Variants in INSR observed in about 807,000 individuals in gnomAD.
The protein encoded by INSR is insulin receptor.
INSR carries 67 observed loss-of-function variants against 142.6 expected under a neutral mutation model. That is an observed-to-expected ratio of 0.47 (90% CI 0.39 to 0.58). The LOEUF (loss-of-function observed/expected upper bound fraction) is 0.58, where lower values mean the gene tolerates loss of function less well. Ranked by LOEUF, INSR falls within the 20% of genes least tolerant of loss-of-function variation. The probability of loss-of-function intolerance (pLI) is 0.00; values close to 1 mark genes in which losing one functional copy is unlikely to be tolerated. For synonymous variants in INSR, 756 were observed against 743.1 expected (o/e 1.02, Z -0.28); for missense variants, 1,248 against 1,833.2 (o/e 0.68, Z 5.83).
At chr19:7,145,196 C>T (rs1973160545) in intron 11 of INSR, among the ~76,000 whole-genome samples, 2 of 151,390 alleles carry the variant, frequency 1.3e-5, no homozygotes, top group Admixed American at 1.3e-4. Flanking sequence ...TTTTATGTAT[C>T]GTGCTATACA....
chr19:7,131,488 C>T (rs1381382417), intron 14 of INSR, among the ~76,000 whole-genome samples: 14 of 151,120 alleles, frequency 9.3e-5, no homozygotes, highest in East Asian at 4.0e-4. Context: ...GGACTACAGG[C>T]GCCCGCCACC....
intron 1 of INSR, among the ~76,000 whole-genome samples, chr19:7,290,601 C>T (rs1046421120): frequency 2.0e-5 from 3 of 151,796 alleles, no homozygotes; most frequent in Non-Finnish European, 4.4e-5. Context: ...GGCGAAATCC[C>T]ATCTCTACTA....
rs1403001456 is a variant in INSR at position 7,152,757 on chromosome 19, C to A, written c.2200G>T (p.Asp734Tyr). 6.2e-7 allele frequency: 1 copy of A among 1,612,950 alleles called. No individual in the cohort carries two copies. Among genetic ancestry groups the A allele is most frequent in the Non-Finnish European group, 8.5e-7 (1 of 1,179,948 alleles). Residue 734 changes from aspartate to tyrosine, a missense_variant, in exon 10 of 22, where the codon GAT becomes TAT. Around this residue, in one of 3 missense-constraint regions of INSR, gnomAD observed 1,069 missense variants for 1,654.0 expected, o/e 0.65. Coordinates refer to ENST00000302850, the MANE Select transcript of INSR (RefSeq NM_000208.4). ...ACGAAAACCACGTTGTGCAGGTAAT[C>A]CTCAAACGTCTTCCTAAACGAGGAC... ...EESSFRKTFE[D>Y]YLHNVVFVPR... is the part of the protein sequence containing the mutation.
chr19:7,154,945 C>G (rs180777802), intron 9 of INSR, among the ~76,000 whole-genome samples: 298 of 152,000 alleles, frequency 2.0e-3, no homozygotes, highest in Non-Finnish European at 3.1e-3. Context: ...AACAACTGCC[C>G]GACACCATAA....
In INSR at chr19:7,215,556, G is replaced by GTATTTATTTATTTATTTATTTATT. The variant is rs146786396; in HGVS notation, c.653-30943_653-30920dup. Among the ~76,000 whole-genome samples, 226 of 148,400 alleles carry GTATTTATTTATTTATTTATTTATT rather than the reference G, an allele frequency of 1.5e-3. 2 individuals carry two copies. The highest frequency in any genetic ancestry group is 5.5e-3 in the African/African-American group (220 of 40,172). ...GAAAACTACCGAGCTTCCTTTTCCT[G>GTATTTATTTATTTATTTATTTATT]TATTTATTTATTTATTTATTTATTT... On this transcript the variant is annotated intron_variant, in intron 2 of 21. Transcript: ENST00000302850.
At chr19:7,280,717 C>CA (rs796092778) in intron 1 of INSR, among the ~76,000 whole-genome samples, 2,941 of 134,666 alleles carry the variant, frequency 0.022, 104 homozygotes, top group African/African-American at 0.073. Context: ...AACTCCATCT[C>CA]AAAAAAAAAA....
chr19:7,185,581 G>A (rs1271606781), intron 2 of INSR, among the ~76,000 whole-genome samples: 7 of 152,062 alleles, frequency 4.6e-5, no homozygotes, highest in Non-Finnish European at 7.4e-5. Context: ...GGTGGCTCAC[G>A]CCTGTAATCC....
chr19:7,270,333 T>TCA (rs1261592271), intron 1 of INSR, among the ~76,000 whole-genome samples: 16 of 65,436 alleles, frequency 2.4e-4, no homozygotes, highest in South Asian at 1.8e-3. Flanking sequence ...TCTCTCTCTC[T>TCA]CTCTCTCACA....
At chr19:7,175,833 C>CA (rs113649135) in intron 3 of INSR, among the ~76,000 whole-genome samples, 23,819 of 141,402 alleles carry the variant, frequency 0.17, 2,053 homozygotes, top group South Asian at 0.27. Context: ...GACTCCATCT[C>CA]AAAAAAAAAA....
At position 7,122,676 on chromosome 19, in the gene INSR, A is replaced by G. The variant is rs1420695517; in HGVS notation, c.3467T>C (p.Val1156Ala). The change falls in exon 19 of 22, where the codon GTG becomes GCG. Residue 1156 changes from valine (V) to alanine (A), a missense_variant. Val to Ala is a moderately conservative substitution (Grantham distance 64). Coordinates refer to ENST00000302850, the MANE Select transcript of INSR (RefSeq NM_000208.4). ...GTTTCTCGCTGCCAGGTCCCGATGC[A>G]CAAACTTCTTGGCGTTCAGGTAGGC... is the stretch of plus-strand genomic sequence containing the variant. The part of the protein sequence containing the change: ...GMAYLNAKKF[V>A]HRDLAARNCM... 2.5e-6 allele frequency: 4 copies of G among 1,614,054 alleles called. No homozygotes were observed. The highest frequency in any genetic ancestry group is 1.7e-5 in the Admixed American group (1 of 59,998).
intron 9 of INSR, among the ~76,000 whole-genome samples, chr19:7,156,634 C>T (rs1421201555): frequency 6.6e-6 from 1 of 151,940 alleles, no homozygotes. Flanking sequence ...ACAGAGAAAC[C>T]CTGACCTAAA....
chr19:7,290,646 G>A (rs1032390859), intron 1 of INSR, among the ~76,000 whole-genome samples: 13 of 151,662 alleles, frequency 8.6e-5, no homozygotes, highest in African/African-American at 2.9e-4. Context: ...GGTGATACAC[G>A]ACTGTAATCC....
At chr19:7,172,170 C>T (rs1974029325) in intron 5 of INSR, 120 bp downstream of exon 5, 1 of 1,108,394 alleles carries the variant, frequency 9.0e-7, no homozygotes, top group Non-Finnish European at 1.4e-6. Flanking sequence ...CGTTGGCCTC[C>T]TAAAATGCTG....
At chr19:7,183,340 A>G (rs1974324847) in intron 3 of INSR, among the ~76,000 whole-genome samples, 2 of 151,928 alleles carry the variant, frequency 1.3e-5, no homozygotes, top group African/African-American at 2.4e-5. Context: ...AAACCAGGAA[A>G]CAGATTTTTG....
At chr19:7,179,643 T>C (rs1974224718) in intron 3 of INSR, among the ~76,000 whole-genome samples, 2 of 152,224 alleles carry the variant, frequency 1.3e-5, no homozygotes, top group African/African-American at 2.4e-5. Flanking sequence ...TATTGGTTAG[T>C]ACATCGTCTA....
chr19:7,289,166 C>T (rs753371930), intron 1 of INSR, among the ~76,000 whole-genome samples: 2 of 151,822 alleles, frequency 1.3e-5, no homozygotes, highest in East Asian at 1.9e-4. Context: ...CTGCAGGAGA[C>T]GCAACTGGGA....
At chr19:7,152,530 C>A in intron 10 of INSR, 196 bp downstream of exon 10, 1 of 654,404 alleles carries the variant, frequency 1.5e-6, no homozygotes, top group South Asian at 1.7e-5. Flanking sequence ...CGATTATTTG[C>A]TCTTCCTGAT....
intron 3 of INSR, among the ~76,000 whole-genome samples, chr19:7,177,375 A>G (rs1974156803): frequency 6.6e-6 from 1 of 152,180 alleles, no homozygotes; most frequent in African/African-American, 2.4e-5. Flanking sequence ...CAAAACCAAC[A>G]AAGAGGAAAA....
At chr19:7,232,550 G>T (rs867793261) in intron 2 of INSR, among the ~76,000 whole-genome samples, 4 of 152,112 alleles carry the variant, frequency 2.6e-5, no homozygotes, top group Non-Finnish European at 4.4e-5. Context: ...CCAGTGGCTC[G>T]CACCTGTAAT....
Sources: allele counts gnomAD v4.1 joint callset (sites outside exome capture counted in the v4.1 genomes callset), GRCh38; gene constraint gnomAD v4.1.1; regional missense constraint gnomAD v4.1.1; transcripts MANE v1.5; gene names NCBI Gene and HGNC (gene_info 2026-07-23, HGNC 2026-07-21).